RBFOX1: variants seen among roughly 807,000 people sequenced by gnomAD.
RBFOX1 encodes the protein RNA binding protein fox-1 homolog 1.
Under a neutral mutation model 57.7 loss-of-function variants are expected in RBFOX1, and 8 were observed. The ratio of observed to expected loss-of-function variants is 0.14; its 90% confidence interval spans 0.08 to 0.25. The LOEUF (loss-of-function observed/expected upper bound fraction) is 0.25. RBFOX1 is among the 10% of genes least tolerant of loss of function. RBFOX1 has a pLI of 1.00. For synonymous variants in RBFOX1, 326 were observed against 222.4 expected (o/e 1.47, Z -4.15); for missense variants, 611 against 548.5 (o/e 1.11, Z -1.14).
chr16:6,825,503 C>G (rs978918745), intron 3 of RBFOX1, among the ~76,000 whole-genome samples: 3 of 152,084 alleles, frequency 2.0e-5, no homozygotes, highest in Non-Finnish European at 2.9e-5. Flanking sequence ...GCTGAGAACA[C>G]AAAATGAATC....
At position 6,343,465 on chromosome 16, in the gene RBFOX1, C is replaced by A. The variant is rs571481751; in HGVS notation, c.-64+26408C>A. On this transcript the variant is annotated intron_variant, in intron 2 of 15. Coordinates refer to ENST00000550418, the MANE Select transcript of RBFOX1 (RefSeq NM_018723.4). ...ATTGAAGAACTGAAGTGAGGATTTG[C>A]GATAATTATCTGGATAACTCAGCCT... 4.6e-5 allele frequency among the ~76,000 whole-genome samples: 7 copies of A among 152,230 alleles called. No individual in the cohort carries two copies. The South Asian group carries it at 6.2e-4, about 14-fold the overall frequency.
At chr16:7,478,244 G>C (rs957716824) in intron 4 of RBFOX1, among the ~76,000 whole-genome samples, 1 of 152,178 alleles carries the variant, frequency 6.6e-6, no homozygotes, top group African/African-American at 2.4e-5. Context: ...TCCATATTCT[G>C]ACAGAACTAT....
chr16:6,926,998 A>G (rs560546551), intron 3 of RBFOX1, among the ~76,000 whole-genome samples: 2 of 152,266 alleles, frequency 1.3e-5, no homozygotes, highest in Admixed American at 1.3e-4. Context: ...AGCTTTGTCA[A>G]GCAATTGCTA....
intron 4 of RBFOX1, among the ~76,000 whole-genome samples, chr16:5,873,868 G>T (rs1187501939): frequency 5.3e-5 from 8 of 152,114 alleles, no homozygotes; most frequent in Non-Finnish European, 2.9e-5. Context: ...TTGAAGGGTG[G>T]ATTAGGTTAG....
At chr16:7,252,313 C>T (rs59006390) in intron 4 of RBFOX1, among the ~76,000 whole-genome samples, 2 of 152,150 alleles carry the variant, frequency 1.3e-5, no homozygotes, top group African/African-American at 2.4e-5. Flanking sequence ...GGAAATATAA[C>T]TTATAAGGAA....
intron 2 of RBFOX1, among the ~76,000 whole-genome samples, chr16:6,487,046 G>C (rs910281334): frequency 6.6e-6 from 1 of 151,862 alleles, no homozygotes. Context: ...AAATTATTCA[G>C]CAACTATAAT....
intron 3 of RBFOX1, among the ~76,000 whole-genome samples, chr16:6,919,491 A>G (rs1456640299): frequency 6.6e-6 from 1 of 152,078 alleles, no homozygotes. Flanking sequence ...ACACACTAAT[A>G]AAGAGTAGAC....
At chr16:6,583,513 C>G (rs896246282) in intron 2 of RBFOX1, among the ~76,000 whole-genome samples, 8 of 152,210 alleles carry the variant, frequency 5.3e-5, no homozygotes, top group African/African-American at 1.7e-4. Context: ...ACTTTATTAG[C>G]TTCCATTTTA....
chr16:6,826,091 C>T (rs1380267690), intron 3 of RBFOX1, among the ~76,000 whole-genome samples: 5 of 152,124 alleles, frequency 3.3e-5, no homozygotes, highest in Non-Finnish European at 5.9e-5. Context: ...CCAGGTCTCC[C>T]GCTAGCTGTT....
At chr16:6,422,215 C>T (rs2093794982) in intron 2 of RBFOX1, among the ~76,000 whole-genome samples, 2 of 151,202 alleles carry the variant, frequency 1.3e-5, no homozygotes, top group African/African-American at 4.9e-5. Context: ...AGCCACCACG[C>T]CCGACCACCT....
At chr16:6,869,078 G>A (rs919711157) in intron 3 of RBFOX1, among the ~76,000 whole-genome samples, 2 of 152,174 alleles carry the variant, frequency 1.3e-5, no homozygotes, top group Admixed American at 6.5e-5. Flanking sequence ...ATTGCTATAA[G>A]CCACTAACTT....
intron 5 of RBFOX1, among the ~76,000 whole-genome samples, chr16:7,531,950 C>G (rs1401082020): frequency 2.0e-5 from 3 of 152,060 alleles, no homozygotes; most frequent in South Asian, 2.1e-4. Flanking sequence ...GTGAAAGAGG[C>G]CTTCATACCA....
intron 4 of RBFOX1, among the ~76,000 whole-genome samples, chr16:5,960,153 A>G (rs1014531909): frequency 3.3e-5 from 5 of 152,176 alleles, no homozygotes; most frequent in Non-Finnish European, 7.3e-5. Context: ...GTGAGCCAAG[A>G]TCGTGCCATT....
chr16:6,992,180 T>C (rs1436201759), intron 3 of RBFOX1, among the ~76,000 whole-genome samples: 1 of 151,730 alleles, frequency 6.6e-6, no homozygotes, highest in African/African-American at 2.4e-5. Context: ...TTTGTTTTTT[T>C]TGAGATGGAG....
At chr16:7,439,057 C>T (rs985110943) in intron 4 of RBFOX1, among the ~76,000 whole-genome samples, 1 of 151,962 alleles carries the variant, frequency 6.6e-6, no homozygotes, top group Non-Finnish European at 1.5e-5. Flanking sequence ...TTTTGTTGAG[C>T]CAACGCAGAG....
rs983100781 is a variant in RBFOX1 at position 6,113,062 on chromosome 16, C to G, written c.-127+93070C>G. ...TCCTAAAGCATAGTTCCTCAGATAA[C>G]TTTGCTTACTCCTGAGTCTGTGGAT... On this transcript the variant is annotated intron_variant, in intron 1 of 15. Transcript: ENST00000550418. Among the ~76,000 whole-genome samples the G allele has an allele frequency of 3.9e-5, 6 of 152,140 alleles. No homozygotes were observed. In the East Asian group the frequency reaches 1.2e-3, roughly 29 times the overall value.
Position 5,907,904 on chromosome 16 carries a change from C to T in RBFOX1, c.351+40569C>T, listed in dbSNP as rs547458000. On this transcript the variant is annotated intron_variant, in intron 4 of 19. Transcript: ENST00000641259. Reference sequence around the variant, plus strand: ...TAGCTAGGATTACAGGCATGCACCACCATGCCCAGCTAATTTTTTTACTGT... The same window carrying T: ...TAGCTAGGATTACAGGCATGCACCATCATGCCCAGCTAATTTTTTTACTGT... Among the ~76,000 whole-genome samples the T allele has an allele frequency of 3.9e-5, 6 of 151,936 alleles. No individual in the cohort carries two copies. The South Asian group carries it at 1.2e-3, about 32-fold the overall frequency.
intron 2 of RBFOX1, among the ~76,000 whole-genome samples, chr16:6,616,819 A>G (rs7199694): frequency 0.43 from 65,046 of 152,094 alleles, 14,489 homozygotes; most frequent in Non-Finnish European, 0.49. Context: ...TGCTGCCATA[A>G]TCTAACATCA....
Position 7,711,015 on chromosome 16 carries a change from A to G in RBFOX1, c.*270A>G, listed in dbSNP as rs976645456. On this transcript the variant is annotated 3_prime_UTR_variant, in exon 16 of 16. Transcript: ENST00000550418. ...TGGTTGATCTAGACAGATGCTAGAT[A>G]ATGAATAAAAACTGGTTTAGGGCCA... The G allele has an allele frequency of 6.1e-6, 2 of 325,448 alleles. No homozygotes were observed. The highest frequency in any genetic ancestry group is 2.1e-5 in the African/African-American group (1 of 46,764). The allele number at this position is 325,448 out of a possible 1,614,324, so 20.2% of individuals were successfully genotyped here. A position where few individuals can be genotyped will look rare whatever the true frequency, so the allele number is the denominator to read the frequency against.
Sources: allele counts gnomAD v4.1 joint callset (sites outside exome capture counted in the v4.1 genomes callset), GRCh38; gene constraint gnomAD v4.1.1; transcripts MANE v1.5; gene names NCBI Gene and HGNC (gene_info 2026-07-23, HGNC 2026-07-21).